The following CHM variants were observed in gnomAD, a reference collection of about 807,000 sequenced individuals.
CHM encodes the protein rab proteins geranylgeranyltransferase component A 1.
Under a neutral mutation model 49.0 loss-of-function variants are expected in CHM, and 10 were observed. That is an observed-to-expected ratio of 0.20 (90% CI 0.13 to 0.35). The LOEUF is 0.35. Among genes scored for constraint, CHM ranks in the 10% least tolerant of loss-of-function variants. CHM has a pLI of 1.00. For synonymous variants in CHM, 184 were observed against 167.5 expected (o/e 1.10, Z -0.76); for missense variants, 455 against 478.4 (o/e 0.95, Z 0.46).
At chrX:86,025,648 G>A (rs1481436567) in intron 2 of CHM, among the ~76,000 whole-genome samples, 1 of 101,266 alleles carries the variant, frequency 9.9e-6, no homozygotes, top group African/African-American at 3.7e-5. Context: ...CTGTACTATA[G>A]TCTAGGCAAC....
At chrX:86,008,350 T>C (rs1459218296) in intron 2 of CHM, among the ~76,000 whole-genome samples, 5 of 110,776 alleles carry the variant, frequency 4.5e-5, no homozygotes, top group Admixed American at 1.9e-4. Flanking sequence ...GGCACATGTA[T>C]ACCCTATGTA....
At chrX:85,892,644 G>C (rs756893826) in intron 12 of CHM, among the ~76,000 whole-genome samples, 1 of 110,955 alleles carries the variant, frequency 9.0e-6, no homozygotes, top group African/African-American at 3.3e-5. Flanking sequence ...CATGAAAAGG[G>C]ACTAATACAC....
chrX:86,004,164 C>G (rs62608953), intron 2 of CHM, among the ~76,000 whole-genome samples: 19,317 of 110,800 alleles, frequency 0.17, 1,554 homozygotes, highest in Middle Eastern at 0.25. Flanking sequence ...GCCAAAGTAA[C>G]CTTCATAAAT....
intron 8 of CHM, among the ~76,000 whole-genome samples, chrX:85,945,878 C>T (rs904144607): frequency 9.0e-6 from 1 of 111,699 alleles, no homozygotes; most frequent in Non-Finnish European, 1.9e-5. Context: ...CAATGAAGTC[C>T]AGGCTGAGGA....
In CHM at chrX:85,951,350, G is replaced by A. The variant is rs752810516; in HGVS notation, c.1166+4803C>T. On this transcript the variant is annotated intron_variant, in intron 8 of 14. Transcript: ENST00000357749. ...GATTCCTGAAAAACAGAGAGAGGTC[G>A]TAAAACTTGCCCAAAGTTACATGGA... Among the ~76,000 whole-genome samples the A allele has an allele frequency of 5.4e-5, 6 of 110,660 alleles. No individual in the cohort carries two copies. The East Asian group carries it at 1.1e-3, about 21-fold the overall frequency.
At chrX:85,969,518 TAC>T (rs1930770441) in intron 4 of CHM, 3 of 450,010 alleles carry the variant, frequency 6.7e-6, no homozygotes, top group Non-Finnish European at 8.3e-6. Context: ...TGCAAATCAG[TAC>T]AGCCATTATG....
chrX:85,882,084 A>G (rs1026593517), intron 12 of CHM, among the ~76,000 whole-genome samples: 1 of 111,553 alleles, frequency 9.0e-6, no homozygotes, highest in African/African-American at 3.3e-5. Flanking sequence ...ACGATGTTAG[A>G]AATTATATTC....
chrX:85,916,290 T>C (rs1180641239), intron 8 of CHM, among the ~76,000 whole-genome samples: 2 of 112,071 alleles, frequency 1.8e-5, no homozygotes, highest in Admixed American at 9.5e-5. Context: ...ACCATATATA[T>C]ATCTAAATTA....
At chrX:85,886,114 G>C (rs1925071461) in intron 12 of CHM, among the ~76,000 whole-genome samples, 1 of 110,611 alleles carries the variant, frequency 9.0e-6, no homozygotes, top group African/African-American at 3.3e-5. Context: ...ACAACATTCA[G>C]ATAGAATGGT....
intron 2 of CHM, among the ~76,000 whole-genome samples, chrX:85,992,486 A>G (rs932481335): frequency 1.8e-5 from 2 of 111,711 alleles, no homozygotes; most frequent in African/African-American, 6.5e-5. Flanking sequence ...AAGTACTACA[A>G]AGAGTCATGA....
At chrX:85,972,849 T>C (rs1350993139) in intron 4 of CHM, among the ~76,000 whole-genome samples, 1 of 112,139 alleles carries the variant, frequency 8.9e-6, no homozygotes, top group Non-Finnish European at 1.9e-5. Flanking sequence ...GCCGCCAAAG[T>C]GGGAACCCAG....
chrX:85,883,354 T>C (rs757959908), intron 12 of CHM, among the ~76,000 whole-genome samples: 46 of 111,719 alleles, frequency 4.1e-4, no homozygotes, highest in African/African-American at 1.4e-3. Context: ...ACATGTACTT[T>C]ATGTAATATA....
At chrX:85,872,113 C>T in intron 14 of CHM, among the ~76,000 whole-genome samples, 1 of 111,811 alleles carries the variant, frequency 8.9e-6, no homozygotes. Context: ...ATGTCTGTAT[C>T]CTCATGATAG....
Position 85,873,045 on chromosome X carries a change from G to A in CHM, c.1770+7C>T, listed in dbSNP as rs2148120363. ...AATACAAAACTGAGAAACATCAAGA[G>A]CCTTACCTGTTTGACTGCATTATCA... On this transcript the variant is annotated splice_region_variant and intron_variant, in intron 14 of 14. Transcript: ENST00000357749. 2 of 1,204,133 alleles carry A rather than the reference G, an allele frequency of 1.7e-6. No homozygotes were observed. The highest frequency in any genetic ancestry group is 2.2e-6 in the Non-Finnish European group (2 of 889,489).
At position 85,900,629 on chromosome X, in the gene CHM, T is replaced by C. The variant is rs747006109; in HGVS notation, c.1413+17A>G. Reference sequence around the variant, plus strand: ...ATATATACAACTTTTATTAAAAATATATAGGACTGAATTTACCTGTTGATC... The same window carrying C: ...ATATATACAACTTTTATTAAAAATACATAGGACTGAATTTACCTGTTGATC... On this transcript the variant is annotated intron_variant, in intron 11 of 14. Transcript: ENST00000357749. The C allele has an allele frequency of 5.7e-6, 6 of 1,045,857 alleles. No homozygotes were observed. Among genetic ancestry groups the C allele is most frequent in the Non-Finnish European group, 8.0e-6 (6 of 752,334 alleles). The allele number at this position is 1,045,857 out of a possible 1,213,427, so 86.2% of individuals were successfully genotyped here.
chrX:85,971,580 C>T lies in CHM; in HGVS notation c.314+7187G>A, dbSNP rs146377051. 1,308 of 296,391 alleles carry T rather than the reference C, an allele frequency of 4.4e-3. 21 individuals carry two copies. The highest frequency in any genetic ancestry group is 0.032 in the African/African-American group (1,135 of 35,854). 24.4% of individuals were successfully genotyped at this position (296,391 alleles called of 1,213,427 possible). On this transcript the variant is annotated intron_variant, in intron 4 of 14. Coordinates refer to ENST00000357749, the MANE Select transcript of CHM (RefSeq NM_000390.4). ...TGAGTGTTACAGCTCATAAAAGCAG[C>T]GTGGACCTAAAGACCGAGCAGCAGC... is the stretch of plus-strand genomic sequence containing the variant.
intron 4 of CHM, 121 bp from the exon 5 acceptor site, chrX:85,964,173 T>C: frequency 3.4e-6 from 2 of 580,700 alleles, no homozygotes; most frequent in South Asian, 6.8e-5. Context: ...CTGTTAATGT[T>C]TCAGTAAAAT....
chrX:85,970,781 G>A, intron 4 of CHM: 1 of 214,075 alleles, frequency 4.7e-6, no homozygotes, highest in African/African-American at 3.0e-5. Flanking sequence ...TCTTTGTGTA[G>A]CAAAAATATT....
chrX:85,992,843 G>A (rs1388462413), intron 2 of CHM, among the ~76,000 whole-genome samples: 2 of 112,394 alleles, frequency 1.8e-5, no homozygotes, highest in African/African-American at 3.2e-5. Flanking sequence ...AGATCAGCCT[G>A]CCAGAAAGAA....
Sources: gnomAD v4.1 joint callset for allele counts (sites outside exome capture counted in the v4.1 genomes callset) on GRCh38, gnomAD v4.1.1 for gene constraint, MANE v1.5 for transcripts, NCBI Gene and HGNC (gene_info 2026-07-23, HGNC 2026-07-21) for gene names.